RBFOX3: variants seen among roughly 807,000 people sequenced by gnomAD.
RBFOX3 encodes the protein RNA binding protein fox-1 homolog 3.
A neutral mutation model predicts 48.7 loss-of-function variants in RBFOX3; 17 were observed. The ratio of observed to expected loss-of-function variants is 0.35; its 90% CI spans 0.24 to 0.52. The LOEUF is 0.52. RBFOX3 is among the 20% of genes least tolerant of loss of function. The probability of loss-of-function intolerance (pLI) is 0.94; values close to 1 mark genes in which losing one functional copy is unlikely to be tolerated. For missense variants in RBFOX3, 382 were observed against 497.5 expected (o/e 0.77, Z 2.21); for synonymous variants, 212 against 209.5 (o/e 1.01, Z -0.10).
At chr17:79,378,751 G>C (rs752589368) in intron 2 of RBFOX3, among the ~76,000 whole-genome samples, 5 of 152,232 alleles carry the variant, frequency 3.3e-5, no homozygotes, top group Non-Finnish European at 7.3e-5. Flanking sequence ...AGTTTCTCCA[G>C]TAGGGGCTAA....
intron 1 of RBFOX3, among the ~76,000 whole-genome samples, chr17:79,580,301 T>G (rs2093015141): frequency 7.9e-6 from 1 of 126,912 alleles, no homozygotes; most frequent in African/African-American, 3.0e-5. Flanking sequence ...TCCTCCTCCT[T>G]CTTCTCCTCC....
At chr17:79,658,218 C>T in the RBFOX3 span, among the ~76,000 whole-genome samples, 1 of 152,116 alleles carries the variant, frequency 6.6e-6, no homozygotes, top group Non-Finnish European at 1.5e-5. Context: ...CTCTGTTCCC[C>T]ATTTCCTAAT....
At chr17:79,463,561 C>A (rs1169791224) in intron 2 of RBFOX3, among the ~76,000 whole-genome samples, 31 of 140,714 alleles carry the variant, frequency 2.2e-4, no homozygotes, top group African/African-American at 3.8e-4. Flanking sequence ...CCACTGACAC[C>A]TCCACCACCA....
At chr17:79,630,437 G>A in the RBFOX3 span, among the ~76,000 whole-genome samples, 7 of 152,166 alleles carry the variant, frequency 4.6e-5, no homozygotes, top group Admixed American at 2.0e-4. Context: ...ACCCAGAGGC[G>A]GCTTGAGCTC....
chr17:79,115,798 G>A (rs1202892792), intron 4 of RBFOX3, 50 bp from the exon 5 acceptor site: 13 of 605,632 alleles, frequency 2.1e-5, no homozygotes, highest in Non-Finnish European at 3.5e-5. Flanking sequence ...TCCCCTTCCC[G>A]GAGCCCCTGA....
chr17:79,484,880 G>A (rs2079331935), intron 1 of RBFOX3, among the ~76,000 whole-genome samples: 2 of 152,338 alleles, frequency 1.3e-5, no homozygotes, highest in South Asian at 2.1e-4. Context: ...CTGTTCCAAT[G>A]ACCGGAGAAG....
In RBFOX3 at chr17:79,199,947, A is replaced by G. The variant is rs563067199; in HGVS notation, c.-34+35819T>C. Among the ~76,000 whole-genome samples, 18 of 152,206 alleles carry G rather than the reference A, an allele frequency of 1.2e-4. No homozygotes were observed. The highest frequency in any genetic ancestry group is 3.9e-4 in the Admixed American group (6 of 15,282). On this transcript the variant is annotated intron_variant, in intron 4 of 14. Coordinates refer to ENST00000693108, the MANE Select transcript of RBFOX3 (RefSeq NM_001350451.2). This position sits in a 1 kb window ranked among gnomAD's most constrained non-coding sequence, Gnocchi z 5.1. ...AGGCCGAGGTGGGTGGATCACCTGAAGTCAGGAGTTCAAGACCAGCCTGGC... is the reference window on the plus strand; with the variant it reads ...AGGCCGAGGTGGGTGGATCACCTGAGGTCAGGAGTTCAAGACCAGCCTGGC...
chr17:79,548,948 A>G (rs2090846869), intron 1 of RBFOX3, among the ~76,000 whole-genome samples: 1 of 152,230 alleles, frequency 6.6e-6, no homozygotes, highest in Non-Finnish European at 1.5e-5. Context: ...ATCCATATTG[A>G]CTGTAAGGCA....
At chr17:79,507,759 C>G (rs2083382520) in intron 1 of RBFOX3, among the ~76,000 whole-genome samples, 1 of 152,128 alleles carries the variant, frequency 6.6e-6, no homozygotes, top group Non-Finnish European at 1.5e-5. Flanking sequence ...CTCTAATGAC[C>G]ACCCCAAAGG....
At chr17:79,537,277 T>C (rs1555788977) in intron 1 of RBFOX3, among the ~76,000 whole-genome samples, 1 of 152,238 alleles carries the variant, frequency 6.6e-6, no homozygotes, top group African/African-American at 2.4e-5. Context: ...TGCACTTGAC[T>C]TGTTGCCAAC....
chr17:79,174,552 C>A (rs2050116736), intron 4 of RBFOX3, among the ~76,000 whole-genome samples: 1 of 152,024 alleles, frequency 6.6e-6, no homozygotes, highest in Non-Finnish European at 1.5e-5. Flanking sequence ...CACACTGATA[C>A]ACAATGCACA....
intron 4 of RBFOX3, among the ~76,000 whole-genome samples, chr17:79,166,928 A>G (rs2048122891): frequency 6.6e-6 from 1 of 152,246 alleles, no homozygotes; most frequent in African/African-American, 2.4e-5. Flanking sequence ...TTACACCTCA[A>G]TAAAGCTGTT....
intron 14 of RBFOX3, chr17:79,091,947 T>C (rs1223960340): frequency 3.0e-6 from 3 of 985,104 alleles, no homozygotes; most frequent in Non-Finnish European, 3.6e-6. Flanking sequence ...CGGCAAGAAA[T>C]ATCGTCAATA....
intron 1 of RBFOX3, among the ~76,000 whole-genome samples, chr17:79,550,250 A>G (rs1555793204): frequency 1.3e-5 from 2 of 152,208 alleles, no homozygotes; most frequent in African/African-American, 4.8e-5. Flanking sequence ...CTCAAAGCTT[A>G]TGTAGCTTTG....
At chr17:79,635,052 T>C in the RBFOX3 span, among the ~76,000 whole-genome samples, 2 of 78,686 alleles carry the variant, frequency 2.5e-5, no homozygotes, top group African/African-American at 1.1e-4. Context: ...AAAGCGAGAC[T>C]CCATCTCAAA....
Position 79,220,224 on chromosome 17 carries a change from C to T in RBFOX3, c.-34+15542G>A, listed in dbSNP as rs1469129395. Reference sequence around the variant, plus strand: ...TTCGGAACCGCGGCTCCACAGCAGGCTCCCGGGGAGGAGGGGAGGAGACCC... The same window carrying T: ...TTCGGAACCGCGGCTCCACAGCAGGTTCCCGGGGAGGAGGGGAGGAGACCC... On this transcript the variant is annotated intron_variant, in intron 4 of 14. Coordinates refer to ENST00000693108, the MANE Select transcript of RBFOX3 (RefSeq NM_001350451.2). The surrounding 1 kb of genome is among the most constrained non-coding windows in gnomAD (Gnocchi z 5.9). Among the ~76,000 whole-genome samples, 1 of 152,076 alleles carries T rather than the reference C, an allele frequency of 6.6e-6. No homozygotes were observed. The highest frequency in any genetic ancestry group is 1.5e-5 in the Non-Finnish European group (1 of 68,000).
chr17:79,572,045 G>A (rs1417408868), intron 1 of RBFOX3, among the ~76,000 whole-genome samples: 6 of 152,174 alleles, frequency 3.9e-5, no homozygotes, highest in African/African-American at 1.4e-4. Context: ...ACCCTCCTGG[G>A]CATCCCGAGA....
chr17:79,644,993 C>T, the RBFOX3 span, among the ~76,000 whole-genome samples: 2 of 152,162 alleles, frequency 1.3e-5, no homozygotes, highest in Non-Finnish European at 2.9e-5. Flanking sequence ...CTGTAGTTAT[C>T]CTCACCTCCT....
At chr17:79,256,097 T>C (rs1043519367) in intron 3 of RBFOX3, among the ~76,000 whole-genome samples, 2 of 151,710 alleles carry the variant, frequency 1.3e-5, no homozygotes, top group Non-Finnish European at 2.9e-5. Context: ...CAGTCCATGG[T>C]AGGGAAGCCC....
Sources: gnomAD v4.1 joint callset for allele counts (sites outside exome capture counted in the v4.1 genomes callset) on GRCh38, gnomAD v4.1.1 for gene constraint, Gnocchi (gnomAD v3.1) non-coding constraint, MANE v1.5 for transcripts, NCBI Gene and HGNC (gene_info 2026-07-23, HGNC 2026-07-21) for gene names.